Variants in MTF2 observed in about 807,000 individuals in gnomAD.
MTF2 encodes the protein metal response element binding transcription factor 2.
A neutral mutation model predicts 79.5 loss-of-function variants in MTF2; 11 were observed. The observed-to-expected ratio is 0.14, with a 90% CI of 0.09 to 0.23. The LOEUF (loss-of-function observed/expected upper bound fraction) is 0.23. Among genes scored for constraint, MTF2 ranks in the 10% least tolerant of loss-of-function variants. MTF2 has a pLI of 1.00. For synonymous variants in MTF2, 208 were observed against 232.8 expected, an observed-to-expected ratio of 0.89 and a Z score of 0.97; for missense variants, 486 against 711.2, an observed-to-expected ratio of 0.68 and a Z score of 3.60.
chr1:93,087,433 G>A (rs912501433), intron 1 of MTF2, among the ~76,000 whole-genome samples: 1 of 152,046 alleles, frequency 6.6e-6, no homozygotes, highest in African/African-American at 2.4e-5. Flanking sequence ...TTAGCCAGGC[G>A]TGGTGGCACG....
intron 1 of MTF2, among the ~76,000 whole-genome samples, chr1:93,105,279 A>C (rs1251836785): frequency 1.3e-5 from 2 of 152,106 alleles, no homozygotes; most frequent in Admixed American, 1.3e-4. Context: ...CTTTACCCCG[A>C]GGTTTGCTTG....
rs1347047955 is a variant in MTF2 at position 93,129,345 on chromosome 1, G to A, written c.1057G>A (p.Val353Met). The A allele has an allele frequency of 6.3e-7, 1 of 1,596,778 alleles. No homozygotes were observed. The highest frequency in any genetic ancestry group is 8.6e-7 in the Non-Finnish European group (1 of 1,168,250). ...LFGLRIRVPP[V>M]PPNVAFKAEK... ...TGGGTTGCGAATTCGTGTTCCTCCT[G>A]TGCCACCAAATGTGGCTTTCAAAGC... Residue 353 changes from valine (V) to methionine (M), a missense_variant, in exon 11 of 15, where the codon GTG becomes ATG. Around this residue, in one of 4 missense-constraint regions of MTF2, gnomAD observed 177 missense variants for 364.0 expected, o/e 0.49. Coordinates refer to ENST00000370298, the MANE Select transcript of MTF2 (RefSeq NM_007358.4).
chr1:93,086,887 G>A (rs1654861834), intron 1 of MTF2, among the ~76,000 whole-genome samples: 1 of 152,246 alleles, frequency 6.6e-6, no homozygotes, highest in South Asian at 2.1e-4. Flanking sequence ...GAAATGCTTG[G>A]GACCAGAAGG....
Position 93,136,892 on chromosome 1 carries a change from G to C in MTF2, c.1647G>C (p.Lys549Asn), listed in dbSNP as rs1647424816. ...AGGAGTTACAACTCAATCATCTAAA[G>C]AACTCCATTACCAGTTATTTTGGTG... ...ADQELQLNHLKNSITSYFGAA... is the reference protein window; with the variant it reads ...ADQELQLNHLNNSITSYFGAA... The change falls in exon 15 of 15, where the codon AAG becomes AAC. Residue 549 changes from lysine (K) to asparagine (N), a missense_variant. By Grantham distance (94) the Lys-to-Asn change is moderately conservative (BLOSUM62 0). Around this residue, in one of 4 missense-constraint regions of MTF2, gnomAD observed 209 missense variants for 206.5 expected, o/e 1.01. Transcript: ENST00000370298. The C allele has an allele frequency of 6.2e-7, 1 of 1,614,030 alleles. No individual in the cohort carries two copies.
Position 93,137,140 on chromosome 1 carries a change from A to C in MTF2, c.*113A>C. On this transcript the variant is annotated 3_prime_UTR_variant, in exon 15 of 15. Transcript: ENST00000370298. Reference sequence around the variant, plus strand: ...TCTTAAAAAAAAAAAAAAGTCAAAAAAATTCAAAAAAGGGGATGATACTAG... The same window carrying C: ...TCTTAAAAAAAAAAAAAAGTCAAAACAATTCAAAAAAGGGGATGATACTAG... 9.0e-6 allele frequency: 8 copies of C among 889,488 alleles called. No individual in the cohort carries two copies. The highest frequency in any genetic ancestry group is 1.3e-5 in the Non-Finnish European group (8 of 597,946). 55.1% of individuals were successfully genotyped at this position (889,488 alleles called of 1,614,324 possible).
chr1:93,080,917 A>G (rs1654577550), intron 1 of MTF2: 1 of 152,184 alleles, frequency 6.6e-6, no homozygotes, highest in South Asian at 2.1e-4. Context: ...AGTGCCCTAT[A>G]GTTTAGTTAT....
At chr1:93,096,248 A>G (rs769702402) in intron 1 of MTF2, among the ~76,000 whole-genome samples, 1 of 152,072 alleles carries the variant, frequency 6.6e-6, no homozygotes, top group African/African-American at 2.4e-5. Context: ...TTGTTTTGTC[A>G]TGAAAAGGAA....
At position 93,101,568 on chromosome 1, in the gene MTF2, G is replaced by GTTTTTTTTTTTTTTTTTTTTTTTT. The variant is rs71586778; in HGVS notation, c.6-8656_6-8633dup. Reference sequence around the variant, plus strand: ...TGGTCTTGCCATGTTGCTCAGGCTGGTTTTTTTTTTTTTTTTTTTTTTTTT... The same window carrying GTTTTTTTTTTTTTTTTTTTTTTTT: ...TGGTCTTGCCATGTTGCTCAGGCTGGTTTTTTTTTTTTTTTTTTTTTTTTTTTTTTTTTTTTTTTTTTTTTTTTT... On this transcript the variant is annotated intron_variant, in intron 1 of 14. Transcript: ENST00000370298. Among the ~76,000 whole-genome samples, 7 of 25,406 alleles carry GTTTTTTTTTTTTTTTTTTTTTTTT rather than the reference G, an allele frequency of 2.8e-4. 3 individuals carry two copies. The highest frequency in any genetic ancestry group is 2.5e-3 in the East Asian group (2 of 790). 16.7% of individuals were successfully genotyped at this position (25,406 alleles called of 152,430 possible).
Position 93,137,132 on chromosome 1 carries a change from AGT to A in MTF2, c.*106_*107del. 2.0e-5 allele frequency: 19 copies of A among 956,134 alleles called. No individual in the cohort carries two copies. Among genetic ancestry groups the A allele is most frequent in the Non-Finnish European group, 2.7e-5 (18 of 655,326 alleles). 59.2% of individuals were successfully genotyped at this position (956,134 alleles called of 1,614,324 possible). A position where few individuals can be genotyped will look rare whatever the true frequency, so the allele number is the denominator to read the frequency against. On this transcript the variant is annotated 3_prime_UTR_variant, in exon 15 of 15. Coordinates refer to ENST00000370298, the MANE Select transcript of MTF2 (RefSeq NM_007358.4). ...ACTATCTTTCTTAAAAAAAAAAAAA[AGT>A]CAAAAAAATTCAAAAAAGGGGATGA... is the stretch of plus-strand genomic sequence containing the variant.
intron 10 of MTF2, chr1:93,128,891 A>G (rs1256727388): frequency 6.5e-6 from 1 of 153,372 alleles, no homozygotes; most frequent in African/African-American, 2.4e-5. Context: ...CTCTTTATAA[A>G]TCCACTCTGA....
chr1:93,131,984 A>C (rs1251621824), intron 11 of MTF2, among the ~76,000 whole-genome samples: 5 of 151,968 alleles, frequency 3.3e-5, no homozygotes, highest in Admixed American at 2.0e-4. Context: ...GATAGCTGAG[A>C]GACTTGTACA....
Position 93,118,490 on chromosome 1 carries a change from T to G in MTF2, c.728+50T>G, listed in dbSNP as rs375012559. 114 of 1,301,968 alleles carry G rather than the reference T, an allele frequency of 8.8e-5. 1 individual carries two copies. The highest frequency in any genetic ancestry group is 1.2e-4 in the Non-Finnish European group (107 of 929,114). 80.7% of individuals were successfully genotyped at this position (1,301,968 alleles called of 1,614,324 possible). ...TGGCTGATTTTTGTCACTTTTTAAT[T>G]GTGGTTATATTTGTGATTTCAGATT... On this transcript the variant is annotated intron_variant, in intron 7 of 14. Transcript: ENST00000370298.
chr1:93,120,845 C>T (rs953898403), intron 9 of MTF2, 173 bp downstream of exon 9: 7 of 1,326,640 alleles, frequency 5.3e-6, no homozygotes, highest in Non-Finnish European at 6.7e-6. Flanking sequence ...CCTTCTCATC[C>T]TCCTGTGTGT....
intron 9 of MTF2, among the ~76,000 whole-genome samples, chr1:93,126,001 AG>A (rs1394512132): frequency 2.0e-5 from 3 of 152,194 alleles, no homozygotes; most frequent in African/African-American, 7.2e-5. Context: ...TATTGGTGGA[AG>A]GCTGAATTGG....
rs773616090 is a variant in MTF2 at position 93,110,353 on chromosome 1, A to G, written c.129A>G (p.Ala43=). The G allele has an allele frequency of 1.2e-6, 2 of 1,614,230 alleles. No individual in the cohort carries two copies. Among genetic ancestry groups the G allele is most frequent in the Non-Finnish European group, 1.7e-6 (2 of 1,180,036 alleles). The change falls in exon 2 of 15, where the codon GCA becomes GCG. Residue 43 remains alanine (A), a synonymous_variant. Transcript: ENST00000370298. Reference sequence around the variant, plus strand: ...ATGGACATAAAGCCAAAAAGCCAGCATGTAAATTTGAAGAGGGTCAGGATG... The same window carrying G: ...ATGGACATAAAGCCAAAAAGCCAGCGTGTAAATTTGAAGAGGGTCAGGATG... ...LQDGHKAKKP[A]CKFEEGQDVL...
At chr1:93,088,412 A>C (rs745335703) in intron 1 of MTF2, among the ~76,000 whole-genome samples, 9 of 152,268 alleles carry the variant, frequency 5.9e-5, no homozygotes, top group Non-Finnish European at 1.0e-4. Flanking sequence ...TGCACAAATA[A>C]TTTAGATGGC....
rs1656826905 is a variant in MTF2 at position 93,129,309 on chromosome 1, A to C, written c.1021A>C (p.Lys341Gln). The C allele has an allele frequency of 3.2e-6, 5 of 1,576,664 alleles. No individual in the cohort carries two copies. The highest frequency in any genetic ancestry group is 1.8e-5 in the Admixed American group (1 of 54,104). ...FMSGKEIKKK[K>Q]HLFGLRIRVP... ...GTCTGGGAAAGAAATAAAGAAGAAG[A>C]AGCATTTGTTTGGGTTGCGAATTCG... is the stretch of plus-strand genomic sequence containing the variant. The change falls in exon 11 of 15, where the codon AAG becomes CAG. Residue 341 changes from lysine (K) to glutamine (Q), a missense_variant. By Grantham distance (53) the Lys-to-Gln change is moderately conservative (BLOSUM62 1). Around this residue, in one of 4 missense-constraint regions of MTF2, gnomAD observed 177 missense variants for 364.0 expected, o/e 0.49. Transcript: ENST00000370298.
intron 11 of MTF2, among the ~76,000 whole-genome samples, chr1:93,130,085 C>T (rs1334938478): frequency 6.6e-6 from 1 of 152,144 alleles, no homozygotes; most frequent in Non-Finnish European, 1.5e-5. Flanking sequence ...CTAGCAGAAA[C>T]AGCAAGTGCA....
rs375212833 is a variant in MTF2, at chr1:93,134,110, C to T, written c.1339C>T (p.His447Tyr). 6 of 1,612,566 alleles carry T rather than the reference C, an allele frequency of 3.7e-6. No individual in the cohort carries two copies. The highest frequency in any genetic ancestry group is 5.1e-6 in the Non-Finnish European group (6 of 1,179,344). Residue 447 changes from histidine to tyrosine, a missense_variant, in exon 14 of 15, where the codon CAT becomes TAT. Physicochemically the swap from His to Tyr is moderately conservative, Grantham distance 83. Coordinates refer to ENST00000370298, the MANE Select transcript of MTF2 (RefSeq NM_007358.4). ...TCTCAGGAGAACTGAGGGAACTGCA[C>T]ATTCATCCAATACCTCAGATGTGGA... is the stretch of plus-strand genomic sequence containing the variant. Reference protein sequence around the residue: ...CSIGRTEGTAHSSNTSDVDFT... With the variant: ...CSIGRTEGTAYSSNTSDVDFT...
Sources: allele counts gnomAD v4.1 joint callset (sites outside exome capture counted in the v4.1 genomes callset), GRCh38; gene constraint gnomAD v4.1.1; regional missense constraint gnomAD v4.1.1; transcripts MANE v1.5; gene names NCBI Gene and HGNC (gene_info 2026-07-23, HGNC 2026-07-21).